ADAM12: variants seen among roughly 807,000 people sequenced by gnomAD.
The protein encoded by ADAM12 is disintegrin and metalloproteinase domain-containing protein 12.
In ADAM12, 70 loss-of-function variants were observed where a neutral mutation model predicts 106.4. The ratio of observed to expected loss-of-function variants is 0.66; its 90% CI spans 0.54 to 0.80. The LOEUF is 0.80. Among genes scored for constraint, ADAM12 ranks in the 30% least tolerant of loss-of-function variants. ADAM12 has a pLI of 0.00. For synonymous variants in ADAM12, 420 were observed against 433.5 expected (o/e 0.97, Z 0.39); for missense variants, 1,010 against 1,171.9 (o/e 0.86, Z 2.02).
chr10:126,072,269 C>T (rs994813574), intron 11 of ADAM12, among the ~76,000 whole-genome samples: 11 of 152,092 alleles, frequency 7.2e-5, no homozygotes, highest in African/African-American at 2.4e-4. Flanking sequence ...AGGGTCTAAA[C>T]AACCGGGTGC....
At chr10:126,133,928 C>T (rs895463677) in intron 5 of ADAM12, among the ~76,000 whole-genome samples, 15 of 152,208 alleles carry the variant, frequency 9.9e-5, no homozygotes, top group Admixed American at 9.2e-4. Context: ...TCCTGTCCTC[C>T]ATCTCAGCTT....
intron 5 of ADAM12, among the ~76,000 whole-genome samples, chr10:126,132,526 C>A (rs964733021): frequency 7.1e-5 from 3 of 42,268 alleles, no homozygotes; most frequent in South Asian, 5.6e-4. Context: ...GCATGAACAC[C>A]CCCCCCCCCT....
intron 3 of ADAM12, among the ~76,000 whole-genome samples, chr10:126,261,904 G>A (rs952874943): frequency 3.3e-5 from 5 of 151,130 alleles, no homozygotes; most frequent in African/African-American, 4.9e-5. Context: ...CCGGGTTCAT[G>A]TCATTCTCCT....
chr10:126,372,822 AAAG>A (rs1450506906), intron 1 of ADAM12, among the ~76,000 whole-genome samples: 1 of 152,202 alleles, frequency 6.6e-6, no homozygotes, highest in Non-Finnish European at 1.5e-5. Context: ...ACTGAGGGAG[AAAG>A]AAGGATGATA....
chr10:126,352,620 T>G (rs111628200), intron 1 of ADAM12, among the ~76,000 whole-genome samples: 50 of 152,298 alleles, frequency 3.3e-4, no homozygotes, highest in African/African-American at 1.2e-3. Flanking sequence ...CTGTCTTGTG[T>G]CGGATGTCTT....
chr10:126,285,062 G>C (rs778105861), intron 2 of ADAM12, among the ~76,000 whole-genome samples: 1 of 152,230 alleles, frequency 6.6e-6, no homozygotes, highest in African/African-American at 2.4e-5. Flanking sequence ...GGAGGTGAGG[G>C]AGCCAGCAGG....
chr10:126,279,092 G>A (rs1959425154), intron 2 of ADAM12, 104 bp from the exon 3 acceptor site: 9 of 816,368 alleles, frequency 1.1e-5, no homozygotes, highest in Admixed American at 8.7e-5. Context: ...TAAACGATGC[G>A]GTCAACCTAA....
At chr10:126,175,267 G>A (rs143261484) in intron 3 of ADAM12, among the ~76,000 whole-genome samples, 7 of 152,300 alleles carry the variant, frequency 4.6e-5, no homozygotes, top group East Asian at 3.9e-4. Context: ...ACCAGTGTGC[G>A]TGGAGGCCAC....
intron 18 of ADAM12, among the ~76,000 whole-genome samples, chr10:126,042,469 C>T (rs192319754): frequency 6.6e-6 from 1 of 152,200 alleles, no homozygotes; most frequent in East Asian, 1.9e-4. Context: ...AGCCTCAGGT[C>T]CTAGGTATGT....
intron 18 of ADAM12, among the ~76,000 whole-genome samples, chr10:126,041,137 C>T (rs996524628): frequency 7.9e-5 from 12 of 152,160 alleles, no homozygotes; most frequent in African/African-American, 2.9e-4. Flanking sequence ...ATGATGCCCT[C>T]TCTCCCTGCA....
intron 3 of ADAM12, among the ~76,000 whole-genome samples, chr10:126,174,177 T>C (rs111293430): frequency 0.013 from 1,966 of 151,840 alleles, 41 homozygotes; most frequent in African/African-American, 0.043. Context: ...TTATACGTTG[T>C]TCCCCTCCTC....
chr10:126,372,531 C>G (rs368215045), intron 1 of ADAM12, among the ~76,000 whole-genome samples: 1 of 152,320 alleles, frequency 6.6e-6, no homozygotes, highest in African/African-American at 2.4e-5. Flanking sequence ...TCCAAGCCAC[C>G]TGTCAATTTT....
Position 126,034,105 on chromosome 10 carries a change from C to T in ADAM12, c.2529+2041G>A, listed in dbSNP as rs142284982. Among the ~76,000 whole-genome samples the T allele has an allele frequency of 2.5e-3, 375 of 152,276 alleles. 1 individual carries two copies. Among genetic ancestry groups the T allele is most frequent in the African/African-American group, 8.0e-3 (334 of 41,568 alleles). ...TGTATTATAAAAGGAAGAGGAAAAG[C>T]GACCTAAAAGGTGATAGTTTCTGTA... On this transcript the variant is annotated intron_variant, in intron 21 of 22. Transcript: ENST00000448723.
intron 20 of ADAM12, among the ~76,000 whole-genome samples, chr10:126,037,285 C>CTTTT (rs34515487): frequency 0.042 from 5,743 of 136,188 alleles, 350 homozygotes; most frequent in African/African-American, 0.13. Flanking sequence ...TAAGGCTGTG[C>CTTTT]TTTTTTTTTT....
intron 3 of ADAM12, among the ~76,000 whole-genome samples, chr10:126,275,336 T>C (rs1482278598): frequency 6.6e-6 from 1 of 152,204 alleles, no homozygotes; most frequent in Non-Finnish European, 1.5e-5. Flanking sequence ...TACAGGTCCA[T>C]AGGCAGACAG....
intron 5 of ADAM12, among the ~76,000 whole-genome samples, chr10:126,121,303 A>C (rs1316307294): frequency 8.8e-6 from 1 of 114,216 alleles, no homozygotes; most frequent in Non-Finnish European, 1.6e-5. Flanking sequence ...TATACATGTA[A>C]TATATATTAT....
chr10:126,115,961 C>T (rs567425561), intron 6 of ADAM12, among the ~76,000 whole-genome samples: 4 of 152,322 alleles, frequency 2.6e-5, no homozygotes, highest in Admixed American at 1.3e-4. Context: ...AAAACCATCA[C>T]AGTGCTTTCT....
intron 3 of ADAM12, among the ~76,000 whole-genome samples, chr10:126,225,213 G>A (rs914166498): frequency 6.6e-6 from 1 of 152,238 alleles, no homozygotes; most frequent in East Asian, 1.9e-4. Context: ...GTGGCCAGGA[G>A]CTGGCTGCCT....
chr10:126,267,532 G>T (rs897278091), intron 3 of ADAM12, among the ~76,000 whole-genome samples: 1 of 152,120 alleles, frequency 6.6e-6, no homozygotes, highest in Non-Finnish European at 1.5e-5. Flanking sequence ...TAAGGAGCAG[G>T]CAGCCTAGAT....
Sources: allele counts gnomAD v4.1 joint callset (sites outside exome capture counted in the v4.1 genomes callset), GRCh38; gene constraint gnomAD v4.1.1; transcripts MANE v1.5; gene names NCBI Gene and HGNC (gene_info 2026-07-23, HGNC 2026-07-21).